Variants in GLRB observed in about 807,000 individuals in gnomAD.
GLRB encodes glycine receptor beta, also known as glycine receptor subunit beta.
A neutral mutation model predicts 54.2 loss-of-function variants in GLRB; 33 were observed. That is an observed-to-expected ratio of 0.61 (90% CI 0.46 to 0.81). GLRB has a LOEUF of 0.81. GLRB is among the 40% of genes least tolerant of loss of function. The pLI is 0.00. For synonymous variants in GLRB, 209 were observed against 208.2 expected (o/e 1.00, Z -0.03); for missense variants, 572 against 584.6 (o/e 0.98, Z 0.22).
intron 2 of GLRB, among the ~76,000 whole-genome samples, chr4:157,116,155 G>T (rs1735602230): frequency 6.6e-6 from 1 of 151,010 alleles, no homozygotes; most frequent in African/African-American, 2.4e-5. Flanking sequence ...ACATCATACA[G>T]CTATACAGTC....
intron 9 of GLRB, among the ~76,000 whole-genome samples, chr4:157,157,073 T>C (rs558695834): frequency 6.6e-6 from 1 of 152,124 alleles, no homozygotes; most frequent in Non-Finnish European, 1.5e-5. Flanking sequence ...CCCCATGTTG[T>C]CTCTACCAAC....
intron 8 of GLRB, among the ~76,000 whole-genome samples, chr4:157,144,900 T>A (rs1736751080): frequency 6.6e-6 from 1 of 152,266 alleles, no homozygotes; most frequent in East Asian, 1.9e-4. Context: ...AGAAATTTGT[T>A]TTTTTTACAT....
intron 2 of GLRB, among the ~76,000 whole-genome samples, chr4:157,109,615 G>T (rs1408124463): frequency 6.6e-6 from 1 of 151,860 alleles, no homozygotes; most frequent in Non-Finnish European, 1.5e-5. Flanking sequence ...GGATCACACA[G>T]CTCAAAGGCT....
At chr4:157,127,410 T>C (rs1736053221) in intron 4 of GLRB, among the ~76,000 whole-genome samples, 1 of 151,866 alleles carries the variant, frequency 6.6e-6, no homozygotes, top group African/African-American at 2.4e-5. Context: ...TGCACTCTGT[T>C]GTTGGCTGAA....
rs1737915371 is a variant in GLRB at position 157,171,320 on chromosome 4, A to G, written c.*592A>G. On this transcript the variant is annotated 3_prime_UTR_variant, in exon 10 of 10. Transcript: ENST00000264428. ...TTTTAAAGTGTGCTTGTGTTGTCAA[A>G]AATATCAGATAGTAATACACAGTGA... The G allele has an allele frequency of 6.6e-6, 1 of 152,328 alleles. No individual in the cohort carries two copies. The highest frequency in any genetic ancestry group is 1.5e-5 in the Non-Finnish European group (1 of 67,860). The allele number at this position is 152,328 out of a possible 1,614,324, so 9.4% of individuals were successfully genotyped here.
intron 2 of GLRB, among the ~76,000 whole-genome samples, chr4:157,078,459 T>C (rs1187202189): frequency 2.6e-5 from 4 of 152,232 alleles, no homozygotes; most frequent in East Asian, 1.9e-4. Context: ...GCAACTTTAA[T>C]TGGATACTGA....
At chr4:157,139,355 G>T (rs1446800672) in intron 7 of GLRB, among the ~76,000 whole-genome samples, 2 of 152,032 alleles carry the variant, frequency 1.3e-5, no homozygotes, top group African/African-American at 4.8e-5. Flanking sequence ...TTAGATGGTG[G>T]TTGGCCCATA....
chr4:157,123,050 T>A (rs553748491), intron 4 of GLRB, among the ~76,000 whole-genome samples: 1 of 151,878 alleles, frequency 6.6e-6, no homozygotes, highest in Admixed American at 6.6e-5. Context: ...GGACAAAGTT[T>A]TCAGTAAAGT....
intron 9 of GLRB, among the ~76,000 whole-genome samples, chr4:157,167,951 G>T (rs1427796866): frequency 2.0e-5 from 3 of 152,028 alleles, no homozygotes; most frequent in Admixed American, 2.0e-4. Flanking sequence ...AACTAACAGA[G>T]GGACAACTCA....
chr4:157,147,924 T>A (rs1736877551), intron 8 of GLRB, among the ~76,000 whole-genome samples: 1 of 152,186 alleles, frequency 6.6e-6, no homozygotes, highest in Non-Finnish European at 1.5e-5. Context: ...AGACAATATA[T>A]AACTGAACGA....
intron 9 of GLRB, among the ~76,000 whole-genome samples, chr4:157,166,724 A>C (rs1036584614): frequency 6.6e-6 from 1 of 152,204 alleles, no homozygotes; most frequent in Non-Finnish European, 1.5e-5. Flanking sequence ...GAAACTTAAT[A>C]TAACCAATTT....
intron 2 of GLRB, among the ~76,000 whole-genome samples, chr4:157,117,928 T>C (rs900460206): frequency 1.3e-5 from 2 of 151,636 alleles, no homozygotes; most frequent in Admixed American, 6.6e-5. Flanking sequence ...TCATGTTTAT[T>C]AGAGTAAGGT....
At chr4:157,114,525 A>G (rs902570981) in intron 2 of GLRB, among the ~76,000 whole-genome samples, 2 of 151,792 alleles carry the variant, frequency 1.3e-5, no homozygotes, top group Admixed American at 6.6e-5. Context: ...TAGAATATTA[A>G]TAAGTCAAGG....
intron 4 of GLRB, among the ~76,000 whole-genome samples, chr4:157,134,837 G>A (rs535227546): frequency 6.6e-6 from 1 of 152,232 alleles, no homozygotes; most frequent in African/African-American, 2.4e-5. Flanking sequence ...ATTGCACCAG[G>A]ATATGAGAGA....
chr4:157,116,277 C>T (rs1333903199), intron 2 of GLRB, among the ~76,000 whole-genome samples: 1 of 151,758 alleles, frequency 6.6e-6, no homozygotes, highest in Non-Finnish European at 1.5e-5. Flanking sequence ...ACTCTATTTT[C>T]TCTAGTCATT....
chr4:157,163,953 C>G (rs535972601), intron 9 of GLRB, among the ~76,000 whole-genome samples: 2 of 152,074 alleles, frequency 1.3e-5, no homozygotes, highest in Admixed American at 6.5e-5. Context: ...CTATGCTTTT[C>G]GAGGCCCTCA....
At chr4:157,097,187 T>C (rs1425612468) in intron 2 of GLRB, among the ~76,000 whole-genome samples, 1 of 152,244 alleles carries the variant, frequency 6.6e-6, no homozygotes, top group Non-Finnish European at 1.5e-5. Context: ...ATATTGATAA[T>C]TTTCAACTGG....
At chr4:157,168,503 A>T (rs1377603902) in intron 9 of GLRB, among the ~76,000 whole-genome samples, 1 of 152,188 alleles carries the variant, frequency 6.6e-6, no homozygotes, top group African/African-American at 2.4e-5. Context: ...AGAAAAAAAA[A>T]TCATGCTATT....
chr4:157,166,640 C>G (rs1186764435), intron 9 of GLRB, among the ~76,000 whole-genome samples: 1 of 152,004 alleles, frequency 6.6e-6, no homozygotes, highest in Non-Finnish European at 1.5e-5. Context: ...CCCACATGTG[C>G]ACCTCTACTT....
Sources: allele counts gnomAD v4.1 joint callset (sites outside exome capture counted in the v4.1 genomes callset), GRCh38; gene constraint gnomAD v4.1.1; transcripts MANE v1.5; gene names NCBI Gene and HGNC (gene_info 2026-07-23, HGNC 2026-07-21).